The following SIAH3 variants were observed in gnomAD, a reference collection of about 807,000 sequenced individuals.
SIAH3 encodes siah E3 ubiquitin protein ligase family member 3.
A neutral mutation model predicts 12.6 loss-of-function variants in SIAH3; 9 were observed. The observed-to-expected ratio is 0.72, with a 90% CI of 0.43 to 1.25. The LOEUF (loss-of-function observed/expected upper bound fraction) is 1.25. Among genes scored for constraint, SIAH3 ranks in the 50% most tolerant of loss-of-function variants. SIAH3 has a pLI of 0.00. For missense variants in SIAH3, 390 were observed against 365.4 expected, an observed-to-expected ratio of 1.07 and a Z score of -0.55; for synonymous variants, 154 against 151.1, an observed-to-expected ratio of 1.02 and a Z score of -0.14.
At chr13:45,829,433 T>A (rs934945950) in intron 1 of SIAH3, among the ~76,000 whole-genome samples, 2 of 151,996 alleles carry the variant, frequency 1.3e-5, no homozygotes, top group Middle Eastern at 3.2e-3. Context: ...CAAGACCTTG[T>A]CTCTGCAAAA....
chr13:45,839,062 AT>A (rs1246013081), intron 1 of SIAH3, among the ~76,000 whole-genome samples: 1 of 152,104 alleles, frequency 6.6e-6, no homozygotes, highest in Non-Finnish European at 1.5e-5. Flanking sequence ...TTCCTCTTTG[AT>A]TTTAGGAAAA....
intron 1 of SIAH3, among the ~76,000 whole-genome samples, chr13:45,812,020 C>T (rs373289885): frequency 9.9e-5 from 15 of 152,212 alleles, no homozygotes; most frequent in Non-Finnish European, 1.8e-4. Flanking sequence ...CCACTCTCCC[C>T]GATGCACAAC....
rs756430027 is a variant in SIAH3 at position 45,783,942 on chromosome 13, T to TGGTGGCGGA, written c.242_250dup (p.Leu81_His83dup). The TGGTGGCGGA allele has an allele frequency of 1.2e-6, 2 of 1,605,852 alleles. No homozygotes were observed. The highest frequency in any genetic ancestry group is 1.1e-5 in the South Asian group (1 of 89,374). On this transcript the variant is annotated inframe_insertion, in exon 2 of 2. Coordinates refer to ENST00000400405, the MANE Select transcript of SIAH3 (RefSeq NM_198849.3). ...GTGGTGAAGGTGGTGGGGGTGGGCGTGGTGGCGGAGGTGGTGGTGGTGGCG... is the reference window on the plus strand; with the variant it reads ...GTGGTGAAGGTGGTGGGGGTGGGCGTGGTGGCGGAGGTGGCGGAGGTGGTGGTGGTGGCG...
At chr13:45,848,217 G>A (rs892105029) in intron 1 of SIAH3, among the ~76,000 whole-genome samples, 1 of 152,170 alleles carries the variant, frequency 6.6e-6, no homozygotes, top group Non-Finnish European at 1.5e-5. Context: ...GCTCCTTGAC[G>A]GTCACTTTTC....
chr13:45,850,744 C>G (rs960796316), intron 1 of SIAH3, among the ~76,000 whole-genome samples: 2 of 152,074 alleles, frequency 1.3e-5, no homozygotes, highest in African/African-American at 2.4e-5. Context: ...TGCAGAGGCC[C>G]CGGGGCAGCT....
At chr13:45,826,836 C>A (rs1003924870) in intron 1 of SIAH3, among the ~76,000 whole-genome samples, 15 of 152,010 alleles carry the variant, frequency 9.9e-5, no homozygotes, top group Admixed American at 9.8e-4. Flanking sequence ...GAGGCTGGCA[C>A]CCCTCCAACA....
chr13:45,838,571 G>A (rs762683815), intron 1 of SIAH3, among the ~76,000 whole-genome samples: 13 of 152,136 alleles, frequency 8.5e-5, no homozygotes, highest in Non-Finnish European at 1.3e-4. Context: ...CCACGCTGGG[G>A]GGCACTGTGA....
At position 45,839,995 on chromosome 13, in the gene SIAH3, C is replaced by T. The variant is rs1214168872; in HGVS notation, c.135+11500G>A. Among the ~76,000 whole-genome samples the T allele has an allele frequency of 2.6e-5, 4 of 152,238 alleles. No individual in the cohort carries two copies. The East Asian group carries it at 5.8e-4, about 22-fold the overall frequency. ...GAGCTAGACCTGGTGCCATGGCTGA[C>T]GCCTGAAATCCCAGCACTTCGGGAG... On this transcript the variant is annotated intron_variant, in intron 1 of 1. Transcript: ENST00000400405.
chr13:45,813,865 C>T (rs1215935492), intron 1 of SIAH3, among the ~76,000 whole-genome samples: 1 of 152,090 alleles, frequency 6.6e-6, no homozygotes, highest in Non-Finnish European at 1.5e-5. Context: ...TCTAAACCCA[C>T]CTACCTCCCA....
chr13:45,797,474 C>T (rs1359487627), intron 1 of SIAH3, among the ~76,000 whole-genome samples: 2 of 152,190 alleles, frequency 1.3e-5, no homozygotes, highest in African/African-American at 4.8e-5. Context: ...GGATCCAAAG[C>T]ACTTGATTTT....
At chr13:45,798,320 GAAT>G (rs1950569889) in intron 1 of SIAH3, among the ~76,000 whole-genome samples, 1 of 152,164 alleles carries the variant, frequency 6.6e-6, no homozygotes, top group African/African-American at 2.4e-5. Context: ...GTTACATAGT[GAAT>G]CCATTCATTC....
intron 1 of SIAH3, among the ~76,000 whole-genome samples, chr13:45,815,083 A>ATT (rs58472474): frequency 0.054 from 7,146 of 132,292 alleles, 565 homozygotes; most frequent in African/African-American, 0.18. Context: ...ATAGACCTTC[A>ATT]TTTTTTTTTT....
rs1438327332 is a variant in SIAH3, at chr13:45,810,647, A to G, written c.136-26590T>C. Among the ~76,000 whole-genome samples the G allele has an allele frequency of 2.0e-5, 3 of 152,134 alleles. No individual in the cohort carries two copies. The East Asian group carries it at 5.8e-4, about 29-fold the overall frequency. On this transcript the variant is annotated intron_variant, in intron 1 of 1. Coordinates refer to ENST00000400405, the MANE Select transcript of SIAH3 (RefSeq NM_198849.3). ...TCAGAGACAAAGACATTGAGAAAAA[A>G]TGTGCTGCAGTATGATGGGAGTCTA...
chr13:45,784,195 AC>A, intron 1 of SIAH3, 138 bp from the exon 2 acceptor site: 1 of 797,756 alleles, frequency 1.3e-6, no homozygotes. Context: ...CAACAAACAA[AC>A]AAACAAACAA....
chr13:45,815,874 T>C (rs897128150), intron 1 of SIAH3, among the ~76,000 whole-genome samples: 2 of 152,174 alleles, frequency 1.3e-5, no homozygotes, highest in African/African-American at 4.8e-5. Flanking sequence ...GCCGTTAAGG[T>C]GACATGGCAG....
chr13:45,835,188 A>G (rs1310129838), intron 1 of SIAH3, among the ~76,000 whole-genome samples: 5 of 152,290 alleles, frequency 3.3e-5, no homozygotes, highest in African/African-American at 4.8e-5. Flanking sequence ...AAAAAAGCCA[A>G]ACTTTGGTAT....
At chr13:45,836,839 G>C (rs1026489788) in intron 1 of SIAH3, among the ~76,000 whole-genome samples, 1 of 152,236 alleles carries the variant, frequency 6.6e-6, no homozygotes, top group African/African-American at 2.4e-5. Flanking sequence ...GCTTCCTGTT[G>C]CTGGACGTTC....
At position 45,783,984 on chromosome 13, in the gene SIAH3, T is replaced by C. The variant is rs1950516530; in HGVS notation, c.209A>G (p.His70Arg). Residue 70 changes from histidine to arginine, a missense_variant, in exon 2 of 2, where the codon CAC becomes CGC. By Grantham distance (29) the His-to-Arg change is conservative. Transcript: ENST00000400405. ...GTGGTGGCGGTGGTGGCAGTGGTGG[T>C]GGGAGAGATGGTGAGGGTGGAAGCT... ...QGSFHPHHLS[H>R]HHCHHRHHHH... The C allele has an allele frequency of 6.2e-7, 1 of 1,605,670 alleles. No individual in the cohort carries two copies.
intron 1 of SIAH3, among the ~76,000 whole-genome samples, chr13:45,827,902 A>G (rs1054426182): frequency 6.6e-6 from 1 of 152,178 alleles, no homozygotes; most frequent in Non-Finnish European, 1.5e-5. Context: ...GGCTGGCTTC[A>G]TGGACATCCA....
Sources: gnomAD v4.1 joint callset for allele counts (sites outside exome capture counted in the v4.1 genomes callset) on GRCh38, gnomAD v4.1.1 for gene constraint, MANE v1.5 for transcripts, NCBI Gene and HGNC (gene_info 2026-07-23, HGNC 2026-07-21) for gene names.